Variants in TMEM248 observed in about 807,000 individuals in gnomAD.
The protein encoded by TMEM248 is transmembrane protein 248.
TMEM248 carries 9 observed loss-of-function variants against 30.3 expected under a neutral mutation model. That is an observed-to-expected ratio of 0.30 (90% CI 0.18 to 0.52). The LOEUF (loss-of-function observed/expected upper bound fraction) is 0.52. Among genes scored for constraint, TMEM248 ranks in the 20% least tolerant of loss-of-function variants. TMEM248 has a pLI of 0.97. For missense variants in TMEM248, 338 were observed against 403.3 expected (o/e 0.84, Z 1.39); for synonymous variants, 184 against 154.4 (o/e 1.19, Z -1.42).
chr7:66,954,290 A>T (rs1792348765), intron 6 of TMEM248, among the ~76,000 whole-genome samples: 1 of 151,618 alleles, frequency 6.6e-6, no homozygotes, highest in African/African-American at 2.4e-5. Flanking sequence ...CTATGTAAAT[A>T]GTTGTTACAG....
chr7:66,940,866 C>T (rs1305882592), intron 1 of TMEM248, among the ~76,000 whole-genome samples: 2 of 152,204 alleles, frequency 1.3e-5, no homozygotes, highest in African/African-American at 2.4e-5. Flanking sequence ...CACTTTCTTT[C>T]TGTACATGTT....
At chr7:66,940,487 T>C (rs1791918728) in intron 1 of TMEM248, among the ~76,000 whole-genome samples, 1 of 152,210 alleles carries the variant, frequency 6.6e-6, no homozygotes, top group African/African-American at 2.4e-5. Flanking sequence ...CAGACAACGT[T>C]GTTTGTTAAG....
Position 66,951,063 on chromosome 7 carries a change from C to G in TMEM248, c.708C>G (p.Phe236Leu). The G allele has an allele frequency of 1.2e-6, 2 of 1,612,594 alleles. No individual in the cohort carries two copies. ...AATACGCCCAAGATTACAATCCTTT[C>G]TGGTGTTATAAGGGGGCCATTGGAA... The part of the protein sequence containing the change: ...NTKYAQDYNP[F>L]WCYKGAIGKV... The change falls in exon 5 of 7, where the codon TTC (phenylalanine) becomes TTG (leucine). Residue 236 changes from phenylalanine to leucine, a missense_variant. Transcript: ENST00000341567.
rs1232777603 is a variant in TMEM248 at position 66,956,065 on chromosome 7, T to TA, written c.*544dup. On this transcript the variant is annotated 3_prime_UTR_variant, in exon 7 of 7. Coordinates refer to ENST00000341567, the MANE Select transcript of TMEM248 (RefSeq NM_017994.5). ...TTCTCCATTTTGCTTGCAGGAAACA[T>TA]ACCTTAAGTTTTTTTTGTTTTGTTT... 6.5e-6 allele frequency: 1 copy of TA among 152,804 alleles called. No homozygotes were observed. The highest frequency in any genetic ancestry group is 1.5e-5 in the Non-Finnish European group (1 of 68,162). The allele number at this position is 152,804 out of a possible 1,614,324, so 9.5% of individuals were successfully genotyped here.
At chr7:66,926,250 C>T (rs1022769235) in intron 1 of TMEM248, among the ~76,000 whole-genome samples, 10 of 152,078 alleles carry the variant, frequency 6.6e-5, no homozygotes, top group African/African-American at 2.4e-4. Flanking sequence ...GCAAACCATA[C>T]GTCTGAAAAG....
intron 1 of TMEM248, among the ~76,000 whole-genome samples, chr7:66,935,670 G>T (rs1791782586): frequency 1.3e-5 from 2 of 152,198 alleles, no homozygotes; most frequent in Non-Finnish European, 2.9e-5. Flanking sequence ...AGCCTCATGA[G>T]TAACTGGGAT....
chr7:66,929,243 C>T (rs1791604403), intron 1 of TMEM248, among the ~76,000 whole-genome samples: 1 of 152,014 alleles, frequency 6.6e-6, no homozygotes, highest in African/African-American at 2.4e-5. Context: ...CCTTAATTTC[C>T]GTATCTGTAA....
intron 4 of TMEM248, among the ~76,000 whole-genome samples, chr7:66,949,028 C>T (rs1227214095): frequency 6.6e-6 from 1 of 151,852 alleles, no homozygotes. Context: ...TGGCCGGGTG[C>T]CGTGGCTCAG....
intron 1 of TMEM248, among the ~76,000 whole-genome samples, chr7:66,932,805 C>T (rs1443592536): frequency 2.7e-5 from 4 of 150,084 alleles, no homozygotes; most frequent in African/African-American, 7.3e-5. Context: ...CATGAGCCAC[C>T]GCGCCTGGCC....
At chr7:66,928,771 AAAAAT>A (rs899047908) in intron 1 of TMEM248, among the ~76,000 whole-genome samples, 5 of 149,754 alleles carry the variant, frequency 3.3e-5, no homozygotes, top group Middle Eastern at 7.2e-3. Context: ...TGACTCTTAA[AAAAAT>A]TTTTTTTTTC....
chr7:66,943,392 C>T (rs921799190), intron 2 of TMEM248, among the ~76,000 whole-genome samples: 4 of 152,188 alleles, frequency 2.6e-5, no homozygotes, highest in African/African-American at 7.2e-5. Flanking sequence ...ACGTGGACTC[C>T]AGCTCTGTAG....
chr7:66,927,558 G>A (rs1303352465), intron 1 of TMEM248, among the ~76,000 whole-genome samples: 2 of 150,146 alleles, frequency 1.3e-5, no homozygotes, highest in Non-Finnish European at 3.0e-5. Flanking sequence ...CTCCTGCCTT[G>A]CCCTCCCAAT....
chr7:66,921,646 C>T (rs887600746), intron 1 of TMEM248, among the ~76,000 whole-genome samples, 185 bp downstream of exon 1: 5 of 152,226 alleles, frequency 3.3e-5, no homozygotes, highest in Admixed American at 1.3e-4. Flanking sequence ...CGGCCTGGTC[C>T]CCCCACACTG....
In TMEM248 at chr7:66,948,557, C is replaced by G. The variant is rs369171933; in HGVS notation, c.459C>G (p.His153Gln). ...HQIGLSGREA[H>Q]EEINITFTLP... ...TCTCTTTCATAGGCAGGGAAGCCCA[C>G]GAGGAGATAAACATCACCTTCACCC... The change falls in exon 4 of 7, where the codon CAC becomes CAG. Residue 153 changes from histidine to glutamine, a missense_variant. Physicochemically the swap from His to Gln is conservative, Grantham distance 24. Coordinates refer to ENST00000341567, the MANE Select transcript of TMEM248 (RefSeq NM_017994.5). 6.0e-5 allele frequency: 97 copies of G among 1,613,468 alleles called. No homozygotes were observed. The highest frequency in any genetic ancestry group is 8.1e-5 in the Non-Finnish European group (95 of 1,179,764).
chr7:66,948,408 C>A, intron 3 of TMEM248, 136 bp from the exon 4 acceptor site: 1 of 1,078,382 alleles, frequency 9.3e-7, no homozygotes, highest in Non-Finnish European at 1.3e-6. Flanking sequence ...GCTCTTCTTC[C>A]TCAGATCCCA....
intron 1 of TMEM248, among the ~76,000 whole-genome samples, chr7:66,924,287 C>T (rs1392989608): frequency 2.0e-5 from 3 of 152,334 alleles, no homozygotes; most frequent in South Asian, 2.1e-4. Context: ...GTGTGTTTCC[C>T]TTGCCCAGTA....
intron 1 of TMEM248, chr7:66,930,491 G>A (rs887426869): frequency 6.6e-6 from 1 of 152,220 alleles, no homozygotes. Flanking sequence ...TTCTGTATCA[G>A]ATGCTGCAGC....
chr7:66,925,238 C>G (rs1317818737), intron 1 of TMEM248, among the ~76,000 whole-genome samples: 2 of 152,096 alleles, frequency 1.3e-5, no homozygotes, highest in African/African-American at 2.4e-5. Context: ...TCAGGCTGGT[C>G]TCAAACTCCT....
At chr7:66,929,464 T>C (rs1791612773) in intron 1 of TMEM248, among the ~76,000 whole-genome samples, 2 of 131,416 alleles carry the variant, frequency 1.5e-5, no homozygotes, top group South Asian at 2.7e-4. Flanking sequence ...TGATACAGAC[T>C]CTTGCTCTCG....
Sources: allele counts gnomAD v4.1 joint callset (sites outside exome capture counted in the v4.1 genomes callset), GRCh38; gene constraint gnomAD v4.1.1; transcripts MANE v1.5; gene names NCBI Gene and HGNC (gene_info 2026-07-23, HGNC 2026-07-21).